Variants in PLD5 observed in about 807,000 individuals in gnomAD.
The protein encoded by PLD5 is phospholipase D family member 5.
PLD5 carries 36 observed loss-of-function variants against 61.1 expected under a neutral mutation model. The observed-to-expected ratio is 0.59, with a 90% confidence interval of 0.45 to 0.78. The LOEUF (loss-of-function observed/expected upper bound fraction) is 0.78, where lower values mean the gene tolerates loss of function less well. Among genes scored for constraint, PLD5 ranks in the 30% least tolerant of loss-of-function variants. The pLI is 0.00. For missense variants in PLD5, 515 were observed against 644.4 expected, an observed-to-expected ratio of 0.80 and a Z score of 2.17; for synonymous variants, 243 against 242.8, an observed-to-expected ratio of 1.00 and a Z score of -0.01.
At chr1:242,359,704 C>A (rs1385218191) in intron 1 of PLD5, among the ~76,000 whole-genome samples, 1 of 152,014 alleles carries the variant, frequency 6.6e-6, no homozygotes, top group South Asian at 2.1e-4. Flanking sequence ...GCTTCAGGTT[C>A]CTTGTCTGTA....
chr1:242,357,221 G>GT (rs939140031), intron 1 of PLD5, among the ~76,000 whole-genome samples: 32 of 150,124 alleles, frequency 2.1e-4, no homozygotes, highest in African/African-American at 3.9e-4. Flanking sequence ...GTTGTTTTTT[G>GT]TTTTTTTTTC....
chr1:242,159,914 T>C (rs1244373832), intron 5 of PLD5, among the ~76,000 whole-genome samples: 2 of 152,202 alleles, frequency 1.3e-5, no homozygotes, highest in Non-Finnish European at 2.9e-5. Context: ...CTATTTCTCC[T>C]TGTGTCTATA....
intron 1 of PLD5, among the ~76,000 whole-genome samples, chr1:242,403,711 G>A (rs553806957): frequency 2.0e-5 from 3 of 151,862 alleles, no homozygotes; most frequent in African/African-American, 7.3e-5. Context: ...CAAGTGATCC[G>A]CCCGCCTTGG....
chr1:242,086,778 G>A lies in PLD5; in HGVS notation c.*3076C>T, dbSNP rs1436073946. ...AGGATACATAAGGCACTAAGTTAGT[G>A]TTAGTGGTACTGAAATCCAAGATAT... On this transcript the variant is annotated 3_prime_UTR_variant, in exon 10 of 10. Coordinates refer to ENST00000536534, the MANE Select transcript of PLD5 (RefSeq NM_001372062.1). The A allele has an allele frequency of 6.6e-6, 1 of 152,212 alleles. No individual in the cohort carries two copies. The highest frequency in any genetic ancestry group is 1.5e-5 in the Non-Finnish European group (1 of 68,046). The allele number at this position is 152,212 out of a possible 1,614,324, so 9.4% of individuals were successfully genotyped here.
At chr1:242,385,224 A>T (rs1376504379) in intron 1 of PLD5, among the ~76,000 whole-genome samples, 1 of 152,220 alleles carries the variant, frequency 6.6e-6, no homozygotes, top group Non-Finnish European at 1.5e-5. Context: ...TTCATTACTG[A>T]GTATCATTAT....
At chr1:242,504,225 A>C (rs1668650054) in intron 1 of PLD5, among the ~76,000 whole-genome samples, 1 of 152,240 alleles carries the variant, frequency 6.6e-6, no homozygotes, top group Non-Finnish European at 1.5e-5. Flanking sequence ...TGAAACAAAA[A>C]GTTCAAAGGA....
intron 4 of PLD5, among the ~76,000 whole-genome samples, chr1:242,241,897 A>G (rs1181669618): frequency 4.5e-5 from 2 of 44,348 alleles, no homozygotes; most frequent in Non-Finnish European, 9.1e-5. Flanking sequence ...ATATATATAT[A>G]TATATATATA....
At chr1:242,276,077 C>T (rs1230744945) in intron 3 of PLD5, among the ~76,000 whole-genome samples, 1 of 152,052 alleles carries the variant, frequency 6.6e-6, no homozygotes, top group Non-Finnish European at 1.5e-5. Context: ...CTGGCTCATG[C>T]CTGTAATCAC....
At chr1:242,292,281 C>T (rs554306610) in intron 2 of PLD5, among the ~76,000 whole-genome samples, 2 of 152,246 alleles carry the variant, frequency 1.3e-5, no homozygotes, top group South Asian at 4.1e-4. Flanking sequence ...ACAAAAACAT[C>T]CCTCCAACAA....
chr1:242,127,709 T>C (rs1662908623), intron 5 of PLD5, among the ~76,000 whole-genome samples: 1 of 152,116 alleles, frequency 6.6e-6, no homozygotes, highest in African/African-American at 2.4e-5. Flanking sequence ...GGGTTCAATG[T>C]ACACTGCTTG....
chr1:242,171,378 G>A (rs923993471), intron 5 of PLD5, among the ~76,000 whole-genome samples: 1 of 152,180 alleles, frequency 6.6e-6, no homozygotes, highest in Non-Finnish European at 1.5e-5. Flanking sequence ...AGGAGCTCTT[G>A]AAGGAAGCAC....
At chr1:242,156,773 CT>C (rs1665406264) in intron 5 of PLD5, among the ~76,000 whole-genome samples, 1 of 152,124 alleles carries the variant, frequency 6.6e-6, no homozygotes. Flanking sequence ...TTCTCTCTGG[CT>C]GCCCTTAACA....
At chr1:242,423,506 C>T (rs924613057) in intron 1 of PLD5, among the ~76,000 whole-genome samples, 1 of 152,134 alleles carries the variant, frequency 6.6e-6, no homozygotes, top group African/African-American at 2.4e-5. Flanking sequence ...AAATCATTTA[C>T]GCTATTTGGT....
intron 5 of PLD5, among the ~76,000 whole-genome samples, chr1:242,138,903 G>C (rs1663953580): frequency 6.6e-6 from 1 of 152,098 alleles, no homozygotes. Flanking sequence ...AGAACTAAAT[G>C]GTTTGATATT....
chr1:242,109,752 T>C (rs1351682313), intron 7 of PLD5, among the ~76,000 whole-genome samples: 2 of 152,124 alleles, frequency 1.3e-5, no homozygotes, highest in African/African-American at 4.8e-5. Context: ...ATATTTTGAA[T>C]TATAAGTCAG....
intron 1 of PLD5, among the ~76,000 whole-genome samples, chr1:242,487,941 T>C (rs571499676): frequency 4.5e-4 from 68 of 152,318 alleles, no homozygotes; most frequent in African/African-American, 1.5e-3. Flanking sequence ...TATATTCATC[T>C]TATATTTCAT....
chr1:242,260,034 T>A (rs1275358144), intron 4 of PLD5, among the ~76,000 whole-genome samples: 1 of 152,020 alleles, frequency 6.6e-6, no homozygotes, highest in Non-Finnish European at 1.5e-5. Context: ...CTGGGAGGCA[T>A]GAGCAGAGAA....
chr1:242,177,577 C>A (rs1259553008), intron 5 of PLD5, among the ~76,000 whole-genome samples: 1 of 152,128 alleles, frequency 6.6e-6, no homozygotes, highest in African/African-American at 2.4e-5. Context: ...AAAATTTGCA[C>A]TGAAGAGCAA....
intron 1 of PLD5, among the ~76,000 whole-genome samples, chr1:242,350,315 G>A (rs182167180): frequency 1.3e-5 from 2 of 152,254 alleles, no homozygotes; most frequent in Admixed American, 1.3e-4. Context: ...AGGAGGAAAA[G>A]CAATTTTAAA....
Sources: gnomAD v4.1 joint callset for allele counts (sites outside exome capture counted in the v4.1 genomes callset) on GRCh38, gnomAD v4.1.1 for gene constraint, MANE v1.5 for transcripts, NCBI Gene and HGNC (gene_info 2026-07-23, HGNC 2026-07-21) for gene names.